EEF1B2: variants seen among roughly 807,000 people sequenced by gnomAD.
The protein encoded by EEF1B2 is elongation factor 1-beta.
Under a neutral mutation model 28.3 loss-of-function variants are expected in EEF1B2, and 12 were observed. The observed-to-expected ratio is 0.42, with a 90% CI of 0.27 to 0.69. The LOEUF (loss-of-function observed/expected upper bound fraction) is 0.69, where lower values mean the gene tolerates loss of function less well. Among genes scored for constraint, EEF1B2 ranks in the 30% least tolerant of loss-of-function variants. The pLI, the probability that EEF1B2 is intolerant of heterozygous loss-of-function variation, is 0.22. For synonymous variants in EEF1B2, 83 were observed against 99.9 expected (o/e 0.83, Z 1.01); for missense variants, 234 against 272.6 (o/e 0.86, Z 1.00).
upstream of EEF1B2, chr2:206,159,630 C>T: frequency 4.3e-6 from 1 of 230,982 alleles, no homozygotes; most frequent in Non-Finnish European, 8.5e-6. Flanking sequence ...CGGGCGTCTT[C>T]GGTCATCTCC....
Position 206,162,124 on chromosome 2 carries a change from C to T in EEF1B2, c.397+20C>T. ...CCAAAAGTAGGTCATTTGTTTTTAA[C>T]TTCATTTCATGTTAATGTAAGTAAT... On this transcript the variant is annotated intron_variant, in intron 4 of 5. Transcript: ENST00000392222. 1.2e-6 allele frequency: 2 copies of T among 1,608,200 alleles called. No individual in the cohort carries two copies. Among genetic ancestry groups the T allele is most frequent in the Middle Eastern group, 1.7e-4 (1 of 6,034 alleles).
chr2:206,159,773 G>A, upstream of EEF1B2: 2 of 531,924 alleles, frequency 3.8e-6, no homozygotes, highest in Non-Finnish European at 6.8e-6. Flanking sequence ...TTAATTCAGG[G>A]CCCCCAATTC....
In EEF1B2 at chr2:206,162,805, A is replaced by C; in HGVS notation, c.600A>C (p.Thr200=). The change falls in exon 6 of 6, where the codon ACA becomes ACC. Residue 200 remains threonine, a synonymous_variant. Coordinates refer to ENST00000392222, the MANE Select transcript of EEF1B2 (RefSeq NM_001959.4). ...TAGTTGAAGATGATAAAGTTGGAAC[A>C]GATATGCTGGAGGAGCAGATCACTG... ...QCVVEDDKVG[T]DMLEEQITAF... 1 of 1,608,720 alleles carries C rather than the reference A, an allele frequency of 6.2e-7. No homozygotes were observed.
chr2:206,160,057 G>C lies in EEF1B2; in HGVS notation c.78G>C (p.Glu26Asp). ...NDYLADKSYI[E>D]GYVPSQADVA... ...ACCTGGCGGACAAGAGCTACATCGA[G>C]GGGTGAGCGGACGGGCTGAGTCGGG... Residue 26 changes from glutamate to aspartate, a missense_variant and splice_region_variant, in exon 1 of 6, where the codon GAG becomes GAC. Physicochemically the swap from Glu to Asp is conservative, Grantham distance 45. Around this residue, in one of 2 missense-constraint regions of EEF1B2, gnomAD observed 178 missense variants for 173.3 expected, o/e 1.03. Coordinates refer to ENST00000392222, the MANE Select transcript of EEF1B2 (RefSeq NM_001959.4). 6.2e-7 allele frequency: 1 copy of C among 1,612,050 alleles called. No homozygotes were observed. The highest frequency in any genetic ancestry group is 1.7e-5 in the Admixed American group (1 of 59,926).
At chr2:206,162,398 C>G (rs774061053) in intron 4 of EEF1B2, 91 bp from the exon 5 acceptor site, 5 of 1,598,324 alleles carry the variant, frequency 3.1e-6, no homozygotes, top group Non-Finnish European at 3.4e-6. Flanking sequence ...GAGATAGTCT[C>G]AAAACAAATT....
chr2:206,160,192 G>A (rs1576012957), intron 1 of EEF1B2, 133 bp downstream of exon 1: 1 of 1,181,006 alleles, frequency 8.5e-7, no homozygotes, highest in Non-Finnish European at 1.2e-6. Context: ...GGAGGGGAAA[G>A]CGCCCCGTTG....
In EEF1B2 at chr2:206,159,954, C is replaced by G. The variant is rs957237352; in HGVS notation, c.-26C>G. The G allele has an allele frequency of 1.9e-6, 3 of 1,608,336 alleles. No homozygotes were observed. The African/African-American group carries it at 4.0e-5, about 22-fold the overall frequency. Reference sequence around the variant, plus strand: ...TTTGCGCGCTCTCTTTCTGCTGCTCCCCAGCTCTCGGATACAGCCGACACC... The same window carrying G: ...TTTGCGCGCTCTCTTTCTGCTGCTCGCCAGCTCTCGGATACAGCCGACACC... On this transcript the variant is annotated 5_prime_UTR_variant, in exon 1 of 6. Coordinates refer to ENST00000392222, the MANE Select transcript of EEF1B2 (RefSeq NM_001959.4).
intron 1 of EEF1B2, 152 bp downstream of exon 1, chr2:206,160,211 C>A: frequency 1.9e-6 from 2 of 1,074,686 alleles, no homozygotes; most frequent in Non-Finnish European, 2.6e-6. Flanking sequence ...TGCCGTCTCC[C>A]AAGGCCCTCG....
At chr2:206,162,369 G>A in intron 4 of EEF1B2, 120 bp from the exon 5 acceptor site, 2 of 1,481,460 alleles carry the variant, frequency 1.4e-6, no homozygotes, top group Non-Finnish European at 9.4e-7. Context: ...AGATGTATCT[G>A]TAGTTTTGTT....
In EEF1B2 at chr2:206,161,411, G is replaced by C; in HGVS notation, c.269G>C (p.Ser90Thr). 1.2e-6 allele frequency: 2 copies of C among 1,614,150 alleles called. No individual in the cohort carries two copies. Among genetic ancestry groups the C allele is most frequent in the Non-Finnish European group, 1.7e-6 (2 of 1,179,994 alleles). ...GCCGATGTGGAAGACACTACAGGAA[G>C]TGGAGCTACAGATAGTAAAGATGAT... ...GPADVEDTTG[S>T]GATDSKDDDD... The change falls in exon 3 of 6, where the codon AGT becomes ACT. Residue 90 changes from serine to threonine, a missense_variant. By Grantham distance (58) the Ser-to-Thr change is moderately conservative. Around this residue, in one of 2 missense-constraint regions of EEF1B2, gnomAD observed 178 missense variants for 173.3 expected, o/e 1.03. Transcript: ENST00000392222.
intron 4 of EEF1B2, 175 bp downstream of exon 4, chr2:206,162,279 C>T (rs372481081): frequency 1.8e-6 from 2 of 1,101,732 alleles, no homozygotes; most frequent in East Asian, 2.4e-5. Flanking sequence ...TGTGGCATTC[C>T]TCTGTGGGAA....
At chr2:206,159,637 C>T (rs561312477), upstream of EEF1B2, 5 of 237,544 alleles carry the variant, frequency 2.1e-5, no homozygotes, top group Non-Finnish European at 3.3e-5. Flanking sequence ...CTTCGGTCAT[C>T]TCCGGCGCTT....
chr2:206,160,011 G>A lies in EEF1B2; in HGVS notation c.32G>A (p.Gly11Asp). ...TTCGGAGACCTGAAAAGCCCTGCCGGCCTCCAGGTGCTCAACGATTACCTG... is the reference window on the plus strand; with the variant it reads ...TTCGGAGACCTGAAAAGCCCTGCCGACCTCCAGGTGCTCAACGATTACCTG... MGFGDLKSPAGLQVLNDYLAD... is the reference protein window; with the variant it reads MGFGDLKSPADLQVLNDYLAD... The change falls in exon 1 of 6, where the codon GGC becomes GAC. Residue 11 changes from glycine (G) to aspartate (D), a missense_variant. Around this residue, in one of 2 missense-constraint regions of EEF1B2, gnomAD observed 178 missense variants for 173.3 expected, o/e 1.03. Transcript: ENST00000392222. The A allele has an allele frequency of 6.2e-7, 1 of 1,613,296 alleles. No individual in the cohort carries two copies.
At chr2:206,160,834 C>G (rs1687904511) in intron 2 of EEF1B2, 124 bp downstream of exon 2, 1 of 1,480,468 alleles carries the variant, frequency 6.8e-7, no homozygotes, top group Admixed American at 1.8e-5. Context: ...CTAAATTTTT[C>G]TGTAACCTTA....
Position 206,160,143 on chromosome 2 carries a change from C to CGGGA in EEF1B2, c.80+95_80+98dup, listed in dbSNP as rs539287887. 263 of 1,483,046 alleles carry CGGGA rather than the reference C, an allele frequency of 1.8e-4. No individual in the cohort carries two copies. The East Asian group carries it at 5.4e-3, about 30-fold the overall frequency. 91.9% of individuals were successfully genotyped at this position (1,483,046 alleles called of 1,614,324 possible). A position where few individuals can be genotyped will look rare whatever the true frequency, so the allele number is the denominator to read the frequency against. ...ACGTGGCGCAGCGTGTCGGCTGCCG[C>CGGGA]GGGAGGGAGGGAGGCCGGGCCCGGG... On this transcript the variant is annotated intron_variant, in intron 1 of 5. Coordinates refer to ENST00000392222, the MANE Select transcript of EEF1B2 (RefSeq NM_001959.4).
rs779423037 is a variant in EEF1B2, at chr2:206,160,600, A to C, written c.93A>C (p.Ser31=). The C allele has an allele frequency of 3.7e-6, 6 of 1,613,976 alleles. No individual in the cohort carries two copies. Among genetic ancestry groups the C allele is most frequent in the Non-Finnish European group, 4.2e-6 (5 of 1,180,010 alleles). Reference sequence around the variant, plus strand: ...GTGTCCTTGGCAGGTATGTGCCATCACAAGCAGATGTGGCAGTATTTGAAG... The same window carrying C: ...GTGTCCTTGGCAGGTATGTGCCATCCCAAGCAGATGTGGCAGTATTTGAAG... ...DKSYIEGYVP[S]QADVAVFEAV... is the part of the protein sequence containing the mutation. Residue 31 remains serine (S), a synonymous_variant, in exon 2 of 6, where the codon TCA becomes TCC. Transcript: ENST00000392222.
intron 1 of EEF1B2, 93 bp from the exon 2 acceptor site, chr2:206,160,495 C>T: frequency 6.3e-7 from 1 of 1,595,586 alleles, no homozygotes; most frequent in Non-Finnish European, 8.5e-7. Flanking sequence ...GGGTTAGTGC[C>T]CACTAATTAA....
rs2359156 is a variant in EEF1B2 at position 206,162,574 on chromosome 2, C to T, written c.483C>T (p.Cys161=). The T allele has an allele frequency of 5.0e-6, 8 of 1,613,036 alleles. No homozygotes were observed. Among genetic ancestry groups the T allele is most frequent in the South Asian group, 3.3e-5 (3 of 91,006 alleles). ...CAGATATGGCGAAATTAGAGGAGTG[C>T]GTCAGAAGCATTCAAGCAGACGGCT... ...DETDMAKLEE[C]VRSIQADGLV... is the part of the protein sequence containing the mutation. Residue 161 remains cysteine, a synonymous_variant, in exon 5 of 6, where the codon TGC becomes TGT. Coordinates refer to ENST00000392222, the MANE Select transcript of EEF1B2 (RefSeq NM_001959.4).
chr2:206,161,608 C>T, intron 3 of EEF1B2, 136 bp downstream of exon 3: 1 of 1,106,904 alleles, frequency 9.0e-7, no homozygotes, highest in South Asian at 1.4e-5. Context: ...TGGTGAAACC[C>T]TGTCTGTACT....
Sources: allele counts gnomAD v4.1 joint callset, GRCh38; gene constraint gnomAD v4.1.1; regional missense constraint gnomAD v4.1.1; transcripts MANE v1.5; gene names NCBI Gene and HGNC (gene_info 2026-07-23, HGNC 2026-07-21).